The following METTL15 variants were observed in gnomAD, a reference collection of about 807,000 sequenced individuals.
METTL15 encodes methyltransferase 15, mitochondrial 12S rRNA N4-cytidine.
A neutral mutation model predicts 38.3 loss-of-function variants in METTL15; 34 were observed. The ratio of observed to expected loss-of-function variants is 0.89; its 90% CI spans 0.68 to 1.18. METTL15 has a LOEUF of 1.18. Among genes scored for constraint, METTL15 ranks in the 50% most tolerant of loss-of-function variants. The pLI, the probability that METTL15 is intolerant of heterozygous loss-of-function variation, is 0.00. For synonymous variants in METTL15, 162 were observed against 170.9 expected (o/e 0.95, Z 0.41); for missense variants, 438 against 498.4 (o/e 0.88, Z 1.15).
At chr11:28,464,215 A>C (rs1428549048) in intron 6 of METTL15, among the ~76,000 whole-genome samples, 2 of 152,228 alleles carry the variant, frequency 1.3e-5, no homozygotes, top group Non-Finnish European at 2.9e-5. Context: ...TGCATTCTAC[A>C]AAAGTTTCTA....
chr11:28,483,236 G>A (rs913305998), intron 6 of METTL15, among the ~76,000 whole-genome samples: 2 of 152,110 alleles, frequency 1.3e-5, no homozygotes, highest in African/African-American at 4.8e-5. Context: ...TCGACAAGAC[G>A]ACAGAAGACA....
chr11:28,205,840 C>T (rs1476218544), intron 3 of METTL15, among the ~76,000 whole-genome samples: 5 of 149,694 alleles, frequency 3.3e-5, no homozygotes, highest in South Asian at 2.1e-4. Context: ...TTTTGATTTG[C>T]ATTTCTCTGA....
At chr11:28,346,547 T>G (rs1048023875) in intron 3 of METTL15, among the ~76,000 whole-genome samples, 3 of 152,142 alleles carry the variant, frequency 2.0e-5, no homozygotes, top group African/African-American at 7.2e-5. Flanking sequence ...TTTAGAAAAT[T>G]TGTAATTAAG....
intron 4 of METTL15, among the ~76,000 whole-genome samples, chr11:28,211,545 A>C (rs1006589351): frequency 2.0e-5 from 3 of 152,138 alleles, no homozygotes; most frequent in Non-Finnish European, 4.4e-5. Flanking sequence ...CTAAGAATTT[A>C]GCAGAGTAAA....
chr11:28,146,278 G>A (rs764548703), intron 3 of METTL15, among the ~76,000 whole-genome samples: 1 of 151,950 alleles, frequency 6.6e-6, no homozygotes, highest in Non-Finnish European at 1.5e-5. Flanking sequence ...CCTGGCGAGT[G>A]CTTGGATATT....
At chr11:28,421,208 G>A (rs1366260207) in intron 5 of METTL15, among the ~76,000 whole-genome samples, 12 of 151,868 alleles carry the variant, frequency 7.9e-5, no homozygotes. Context: ...ATAAGATCAA[G>A]ACCATAATAA....
chr11:28,224,463 T>G (rs1362572250), intron 4 of METTL15, among the ~76,000 whole-genome samples: 3 of 151,942 alleles, frequency 2.0e-5, no homozygotes, highest in African/African-American at 7.2e-5. Flanking sequence ...GAGAAAAAAT[T>G]AAAATAATTC....
At chr11:28,158,866 A>G (rs1360548214) in intron 3 of METTL15, among the ~76,000 whole-genome samples, 1 of 152,150 alleles carries the variant, frequency 6.6e-6, no homozygotes, top group Non-Finnish European at 1.5e-5. Context: ...CAACTAGGTG[A>G]CAATCCTTTG....
At chr11:28,395,014 A>T (rs1850553790) in intron 5 of METTL15, among the ~76,000 whole-genome samples, 1 of 152,254 alleles carries the variant, frequency 6.6e-6, no homozygotes, top group African/African-American at 2.4e-5. Flanking sequence ...TGATGAGCTG[A>T]TCGTAAGTAA....
In METTL15 at chr11:28,210,967, C is replaced by A. The variant is rs1852610421; in HGVS notation, c.271-95C>A. ...ATTATTTTCCTATTTACTGTCAAGTCTGAAAATCATTGTGTGCTTCTAGAA... is the reference window on the plus strand; with the variant it reads ...ATTATTTTCCTATTTACTGTCAAGTATGAAAATCATTGTGTGCTTCTAGAA... On this transcript the variant is annotated intron_variant, in intron 3 of 6. Coordinates refer to ENST00000407364, the MANE Select transcript of METTL15 (RefSeq NM_001113528.2). 3 of 1,301,866 alleles carry A rather than the reference C, an allele frequency of 2.3e-6. No homozygotes were observed. In the South Asian group the frequency reaches 4.5e-5, roughly 19 times the overall value. The allele number at this position is 1,301,866 out of a possible 1,614,324, so 80.6% of individuals were successfully genotyped here. A position where few individuals can be genotyped will look rare whatever the true frequency, so the allele number is the denominator to read the frequency against.
chr11:28,463,509 G>C lies in METTL15; in HGVS notation c.*424+39145G>C, dbSNP rs556551613. Among the ~76,000 whole-genome samples the C allele has an allele frequency of 2.6e-5, 4 of 152,240 alleles. No homozygotes were observed. In the East Asian group the frequency reaches 7.7e-4, roughly 29 times the overall value. On this transcript the variant is annotated intron_variant and NMD_transcript_variant, in intron 6 of 7. Coordinates refer to the METTL15 transcript ENST00000532947. ...GTGAAAGTGGGACATGCTGATAACT[G>C]CTTAAAATGATAACCTTATATTAAA...
At chr11:28,114,538 C>T (rs1339754624) in intron 3 of METTL15, among the ~76,000 whole-genome samples, 1 of 151,248 alleles carries the variant, frequency 6.6e-6, no homozygotes. Context: ...GCAACCCCCG[C>T]CTCCTGGGTT....
chr11:28,454,670 T>C (rs948383084), intron 6 of METTL15, among the ~76,000 whole-genome samples: 4 of 152,212 alleles, frequency 2.6e-5, no homozygotes, highest in Non-Finnish European at 5.9e-5. Flanking sequence ...ACTTAACTTA[T>C]AGTCTTTGGT....
At chr11:28,170,536 A>G (rs1223692916) in intron 3 of METTL15, among the ~76,000 whole-genome samples, 2 of 152,126 alleles carry the variant, frequency 1.3e-5, no homozygotes, top group African/African-American at 4.8e-5. Context: ...GATTGATAAT[A>G]CTTATAATTA....
chr11:28,319,520 G>T (rs1035368803), intron 6 of METTL15, among the ~76,000 whole-genome samples: 17 of 151,446 alleles, frequency 1.1e-4, no homozygotes, highest in African/African-American at 4.1e-4. Context: ...AGATGAACTA[G>T]TCAAATAAGA....
chr11:28,506,547 C>T (rs1345292776), intron 6 of METTL15, among the ~76,000 whole-genome samples: 1 of 152,024 alleles, frequency 6.6e-6, no homozygotes, highest in Non-Finnish European at 1.5e-5. Flanking sequence ...AAAGATTACT[C>T]ATTCAATATT....
At chr11:28,520,749 A>G (rs983168717) in intron 6 of METTL15, among the ~76,000 whole-genome samples, 1 of 152,230 alleles carries the variant, frequency 6.6e-6, no homozygotes, top group African/African-American at 2.4e-5. Context: ...CACGGAGTTT[A>G]GAGCTGTATT....
chr11:28,327,379 A>T (rs1229311543), intron 6 of METTL15, among the ~76,000 whole-genome samples: 2 of 152,242 alleles, frequency 1.3e-5, no homozygotes, highest in Non-Finnish European at 2.9e-5. Context: ...TCCATTCTGC[A>T]TGACTTTATG....
At chr11:28,222,343 C>A (rs1398452465) in intron 4 of METTL15, among the ~76,000 whole-genome samples, 1 of 152,178 alleles carries the variant, frequency 6.6e-6, no homozygotes, top group Non-Finnish European at 1.5e-5. Flanking sequence ...GGCATAGGAC[C>A]CTCCTAGCCA....
Sources: gnomAD v4.1 joint callset for allele counts (sites outside exome capture counted in the v4.1 genomes callset) on GRCh38, gnomAD v4.1.1 for gene constraint, MANE v1.5 for transcripts, NCBI Gene and HGNC (gene_info 2026-07-23, HGNC 2026-07-21) for gene names.